CADPS: variants seen among roughly 807,000 people sequenced by gnomAD.
CADPS encodes calcium dependent secretion activator.
CADPS carries 57 observed loss-of-function variants against 167.3 expected under a neutral mutation model. That is an observed-to-expected ratio of 0.34 (90% CI 0.28 to 0.42). The LOEUF (loss-of-function observed/expected upper bound fraction) is 0.42, where lower values mean the gene tolerates loss of function less well. Ranked by LOEUF, CADPS falls within the 20% of genes least tolerant of loss-of-function variation. CADPS has a pLI of 1.00. For synonymous variants in CADPS, 676 were observed against 635.3 expected (o/e 1.06, Z -0.96); for missense variants, 1,414 against 1,738.1 (o/e 0.81, Z 3.32).
intron 6 of CADPS, among the ~76,000 whole-genome samples, chr3:62,632,319 T>C (rs2065431105): frequency 6.6e-6 from 1 of 152,164 alleles, no homozygotes; most frequent in African/African-American, 2.4e-5. Context: ...ACAACAAGGA[T>C]TATAACTTTT....
intron 1 of CADPS, among the ~76,000 whole-genome samples, chr3:62,785,545 G>A (rs1172414156): frequency 6.6e-6 from 1 of 152,124 alleles, no homozygotes; most frequent in Non-Finnish European, 1.5e-5. Context: ...TCATTCCCAA[G>A]ACTGAAAGAA....
intron 3 of CADPS, among the ~76,000 whole-genome samples, chr3:62,750,162 G>T (rs2082371087): frequency 1.3e-5 from 2 of 151,772 alleles, no homozygotes; most frequent in East Asian, 3.9e-4. Flanking sequence ...AACCAGCCTG[G>T]CCAACATGGA....
chr3:62,750,935 A>C (rs1453029743), intron 3 of CADPS, among the ~76,000 whole-genome samples: 1 of 152,138 alleles, frequency 6.6e-6, no homozygotes, highest in Non-Finnish European at 1.5e-5. Flanking sequence ...TTTTTTCACT[A>C]TCATATAAAA....
At chr3:62,869,564 T>C (rs1007119073) in intron 1 of CADPS, among the ~76,000 whole-genome samples, 1 of 152,146 alleles carries the variant, frequency 6.6e-6, no homozygotes, top group Non-Finnish European at 1.5e-5. Context: ...TACTACTGTA[T>C]CCAATCCTGT....
Position 62,478,503 on chromosome 3 carries a change from G to A in CADPS, c.3174-87C>T, listed in dbSNP as rs2061587482. ...ACACAGAGACAACTGGGGGCTAGAAGGCAAACAGCAGCTTCAACATACAAA... is the reference window on the plus strand; with the variant it reads ...ACACAGAGACAACTGGGGGCTAGAAAGCAAACAGCAGCTTCAACATACAAA... On this transcript the variant is annotated intron_variant, in intron 22 of 29. Transcript: ENST00000383710. This position sits in a 1 kb window ranked among gnomAD's most constrained non-coding sequence, Gnocchi z 5.7. The A allele has an allele frequency of 1.6e-6, 2 of 1,269,232 alleles. No individual in the cohort carries two copies. The highest frequency in any genetic ancestry group is 1.1e-6 in the Non-Finnish European group (1 of 906,832). 78.6% of individuals were successfully genotyped at this position (1,269,232 alleles called of 1,614,324 possible). A position where few individuals can be genotyped will look rare whatever the true frequency, so the allele number is the denominator to read the frequency against.
chr3:62,810,018 C>A (rs1437463047), intron 1 of CADPS, among the ~76,000 whole-genome samples: 2 of 152,152 alleles, frequency 1.3e-5, no homozygotes, highest in African/African-American at 2.4e-5. Flanking sequence ...CACTGGCCTG[C>A]ATATTTTCTG....
chr3:62,430,599 G>A (rs956017650), intron 28 of CADPS, among the ~76,000 whole-genome samples: 1 of 151,938 alleles, frequency 6.6e-6, no homozygotes, highest in African/African-American at 2.4e-5. Flanking sequence ...CTTAGATTGG[G>A]ACTGAATACA....
chr3:62,553,872 A>G (rs2077691275), intron 10 of CADPS, among the ~76,000 whole-genome samples: 1 of 152,072 alleles, frequency 6.6e-6, no homozygotes, highest in African/African-American at 2.4e-5. Flanking sequence ...GAATCTGAAG[A>G]ATGTGATGTG....
intron 27 of CADPS, chr3:62,440,987 T>G (rs554001998): frequency 6.6e-6 from 1 of 152,292 alleles, no homozygotes; most frequent in East Asian, 1.9e-4. Flanking sequence ...TTATAGTCAG[T>G]ACCCTGTTTA....
chr3:62,772,708 T>C (rs570706080), intron 1 of CADPS, among the ~76,000 whole-genome samples: 9 of 152,316 alleles, frequency 5.9e-5, no homozygotes, highest in African/African-American at 2.2e-4. Context: ...TGGTTTACAA[T>C]AGTCATGGAA....
chr3:62,799,960 G>A (rs766200574), intron 1 of CADPS, among the ~76,000 whole-genome samples: 2 of 152,188 alleles, frequency 1.3e-5, no homozygotes, highest in Non-Finnish European at 2.9e-5. Flanking sequence ...TTTGTTTCCT[G>A]ACTAGGATAA....
chr3:62,584,565 G>C (rs2084162553), intron 8 of CADPS, among the ~76,000 whole-genome samples: 1 of 152,150 alleles, frequency 6.6e-6, no homozygotes, highest in South Asian at 2.1e-4. Flanking sequence ...TCATGGCTCA[G>C]CATATACTCA....
At chr3:62,707,354 T>C (rs900435474) in intron 3 of CADPS, among the ~76,000 whole-genome samples, 2 of 152,098 alleles carry the variant, frequency 1.3e-5, no homozygotes, top group Non-Finnish European at 2.9e-5. Flanking sequence ...AAACATTGTC[T>C]TCCACAAAAC....
chr3:62,690,527 G>T (rs1473198629), intron 3 of CADPS, among the ~76,000 whole-genome samples: 1 of 151,792 alleles, frequency 6.6e-6, no homozygotes, highest in African/African-American at 2.4e-5. Flanking sequence ...AATGCAGCAG[G>T]TCCATTCTCA....
chr3:62,510,957 T>G (rs1004370916), intron 17 of CADPS, among the ~76,000 whole-genome samples: 2 of 152,202 alleles, frequency 1.3e-5, no homozygotes, highest in African/African-American at 4.8e-5. Context: ...AACCCATCTC[T>G]GCTTTAACCT....
intron 6 of CADPS, among the ~76,000 whole-genome samples, chr3:62,618,930 T>C (rs1205845832): frequency 6.6e-6 from 1 of 152,228 alleles, no homozygotes; most frequent in Non-Finnish European, 1.5e-5. Flanking sequence ...GTCTGGATTG[T>C]TGTATAATAA....
intron 5 of CADPS, among the ~76,000 whole-genome samples, chr3:62,649,722 A>C (rs531076473): frequency 6.6e-6 from 1 of 151,610 alleles, no homozygotes; most frequent in East Asian, 1.9e-4. Context: ...CTAATTAAAA[A>C]AAATTTTTTT....
At chr3:62,814,552 G>C (rs2094527068) in intron 1 of CADPS, 1 of 152,060 alleles carries the variant, frequency 6.6e-6, no homozygotes, top group Non-Finnish European at 1.5e-5. Context: ...TTCTAAATCT[G>C]TGTGTTTCAC....
chr3:62,794,073 A>G lies in CADPS; in HGVS notation c.442-28089T>C, dbSNP rs541197568. ...AGATACACATGTGAATAAATGGACT[A>G]GTGGAATCCAGCGATAACTCTAATT... On this transcript the variant is annotated intron_variant, in intron 1 of 29. Coordinates refer to ENST00000383710, the MANE Select transcript of CADPS (RefSeq NM_003716.4). Among the ~76,000 whole-genome samples, 6 of 152,330 alleles carry G rather than the reference A, an allele frequency of 3.9e-5. No homozygotes were observed. The South Asian group carries it at 1.2e-3, about 32-fold the overall frequency.
Sources: gnomAD v4.1 joint callset for allele counts (sites outside exome capture counted in the v4.1 genomes callset) on GRCh38, gnomAD v4.1.1 for gene constraint, Gnocchi (gnomAD v3.1) non-coding constraint, MANE v1.5 for transcripts, NCBI Gene and HGNC (gene_info 2026-07-23, HGNC 2026-07-21) for gene names.